MMS22L: variants seen among roughly 807,000 people sequenced by gnomAD.
The protein encoded by MMS22L is MMS22 like, DNA repair protein.
A neutral mutation model predicts 159.1 loss-of-function variants in MMS22L; 74 were observed. The ratio of observed to expected loss-of-function variants is 0.47; its 90% CI spans 0.39 to 0.56. The LOEUF (loss-of-function observed/expected upper bound fraction) is 0.56. Among genes scored for constraint, MMS22L ranks in the 20% least tolerant of loss-of-function variants. MMS22L has a pLI of 0.00. For missense variants in MMS22L, 1,351 were observed against 1,422.1 expected, an observed-to-expected ratio of 0.95 and a Z score of 0.80; for synonymous variants, 517 against 506.9, an observed-to-expected ratio of 1.02 and a Z score of -0.27.
chr6:97,240,799 G>T (rs142097859), intron 11 of MMS22L, among the ~76,000 whole-genome samples: 2,388 of 151,904 alleles, frequency 0.016, 61 homozygotes, highest in African/African-American at 0.055. Flanking sequence ...GCTAACTTTT[G>T]TATTTTTAGT....
chr6:97,160,885 C>A (rs1582403292), intron 22 of MMS22L, among the ~76,000 whole-genome samples: 1 of 151,936 alleles, frequency 6.6e-6, no homozygotes, highest in Non-Finnish European at 1.5e-5. Flanking sequence ...CACTAATGGG[C>A]CCCTCTGGTG....
intron 14 of MMS22L, among the ~76,000 whole-genome samples, chr6:97,220,540 A>G (rs1809519278): frequency 6.6e-6 from 1 of 152,100 alleles, no homozygotes; most frequent in African/African-American, 2.4e-5. Context: ...TAATCTGAGG[A>G]AGGAAGGCAT....
intron 15 of MMS22L, among the ~76,000 whole-genome samples, chr6:97,182,718 C>A (rs1016709988): frequency 2.6e-5 from 4 of 152,258 alleles, no homozygotes; most frequent in Middle Eastern, 3.4e-3. Flanking sequence ...TTTTCCCACT[C>A]CCCGTATACC....
At chr6:97,240,487 C>A (rs1179438460) in intron 11 of MMS22L, among the ~76,000 whole-genome samples, 1 of 152,140 alleles carries the variant, frequency 6.6e-6, no homozygotes, top group Admixed American at 6.5e-5. Flanking sequence ...TGGCTGGTCA[C>A]CTGACCTACT....
chr6:97,268,363 T>C (rs1179585899), intron 7 of MMS22L, among the ~76,000 whole-genome samples: 2 of 152,082 alleles, frequency 1.3e-5, no homozygotes, highest in Non-Finnish European at 2.9e-5. Context: ...TCTGTTTTTG[T>C]ATTTTTAGTA....
intron 19 of MMS22L, 44 bp from the exon 20 acceptor site, chr6:97,168,284 A>T: frequency 1.3e-6 from 2 of 1,565,384 alleles, no homozygotes; most frequent in Non-Finnish European, 1.7e-6. Flanking sequence ...TTATCCTCTG[A>T]CCAGAACATT....
At chr6:97,221,069 A>G (rs1228947687) in intron 14 of MMS22L, among the ~76,000 whole-genome samples, 2 of 152,070 alleles carry the variant, frequency 1.3e-5, no homozygotes, top group Non-Finnish European at 2.9e-5. Flanking sequence ...TGAAAACAAT[A>G]CTTATGATGA....
intron 22 of MMS22L, among the ~76,000 whole-genome samples, chr6:97,157,758 A>T (rs897571274): frequency 5.3e-5 from 8 of 152,154 alleles, no homozygotes; most frequent in Non-Finnish European, 1.2e-4. Flanking sequence ...GATGTTCATC[A>T]GGGATATTGA....
At position 97,198,469 on chromosome 6, in the gene MMS22L, A is replaced by G. The variant is rs564143055; in HGVS notation, c.2040-11779T>C. Among the ~76,000 whole-genome samples the G allele has an allele frequency of 4.8e-4, 73 of 152,234 alleles. 1 individual carries two copies. Among genetic ancestry groups the G allele is most frequent in the African/African-American group, 1.7e-3 (71 of 41,544 alleles). Reference sequence around the variant, plus strand: ...ACCTACAGAATCTGTAAGCATAATAAAAGGATTGCTGTTGTGGTGTTTTAC... The same window carrying G: ...ACCTACAGAATCTGTAAGCATAATAGAAGGATTGCTGTTGTGGTGTTTTAC... On this transcript the variant is annotated intron_variant, in intron 14 of 24. Coordinates refer to ENST00000683635, the MANE Select transcript of MMS22L (RefSeq NM_001350599.2).
At chr6:97,228,784 T>C in intron 14 of MMS22L, 110 bp downstream of exon 14, 1 of 1,043,984 alleles carries the variant, frequency 9.6e-7, no homozygotes, top group African/African-American at 1.6e-5. Context: ...TCCTCTACAT[T>C]TGGATTTCAT....
intron 1 of MMS22L, chr6:97,282,854 A>T (rs1816893687): frequency 6.0e-6 from 1 of 165,774 alleles, no homozygotes; most frequent in African/African-American, 2.4e-5. Context: ...CGCCCTCCGC[A>T]ACGTTTCTAA....
intron 11 of MMS22L, among the ~76,000 whole-genome samples, chr6:97,234,373 T>C (rs771996457): frequency 7.2e-5 from 11 of 152,150 alleles, no homozygotes; most frequent in Non-Finnish European, 1.3e-4. Flanking sequence ...AAGTACTTGG[T>C]CAAATCTTTT....
rs1431344768 is a variant in MMS22L, at chr6:97,162,090, G to C, written c.3297C>G (p.Leu1099=). 3.1e-6 allele frequency: 5 copies of C among 1,612,234 alleles called. No individual in the cohort carries two copies. In the South Asian group the frequency reaches 3.3e-5, roughly 11 times the overall value. Residue 1099 remains leucine, a synonymous_variant, in exon 22 of 25, where the codon CTC becomes CTG. Transcript: ENST00000683635. ...AAATGTCTGTGTTAGTTTCCTTGAA[G>C]AGTTGGAGGATGAAGGCCAGAATGG... ...LASILAFILQ[L]FKETNTDIYE... is the part of the protein sequence containing the mutation.
Position 97,228,906 on chromosome 6 carries a change from A to C in MMS22L, c.2027T>G (p.Leu676Arg), listed in dbSNP as rs1810541317. ...RTVLSFLQAV[L>R]ARIRSMHQQL... ...CTGAAAACCATACCTGATTCTGGCC[A>C]GAACAGCTTGTAGGAAGCTCAATAC... The change falls in exon 14 of 25, where the codon CTG (leucine) becomes CGG (arginine). Residue 676 changes from leucine to arginine, a missense_variant. By Grantham distance (102) the Leu-to-Arg change is moderately radical. Transcript: ENST00000683635. 1 of 1,612,206 alleles carries C rather than the reference A, an allele frequency of 6.2e-7. No homozygotes were observed.
chr6:97,168,759 C>T (rs944475365), intron 19 of MMS22L, among the ~76,000 whole-genome samples: 4 of 152,112 alleles, frequency 2.6e-5, no homozygotes, highest in Non-Finnish European at 2.9e-5. Context: ...TATATTTATA[C>T]ATTATGTGAC....
At chr6:97,207,320 C>CA (rs1440732656) in intron 14 of MMS22L, among the ~76,000 whole-genome samples, 1 of 152,120 alleles carries the variant, frequency 6.6e-6, no homozygotes, top group Non-Finnish European at 1.5e-5. Context: ...CTCCTCTGGT[C>CA]AATTGTGTTT....
Position 97,173,107 on chromosome 6 carries a change from T to G in MMS22L, c.2795A>C (p.Lys932Thr). Residue 932 changes from lysine to threonine, a missense_variant, in exon 19 of 25, where the codon AAA becomes ACA. Transcript: ENST00000683635. Reference protein sequence around the residue: ...VLKYIKPYLGKKVFSAGLQLT... With the variant: ...VLKYIKPYLGTKVFSAGLQLT... ...CTGCAGCCCTGCACTGAAAACTTTT[T>G]TTCCCAAATAAGGCTTAATATATTT... is the stretch of plus-strand genomic sequence containing the variant. The G allele has an allele frequency of 6.2e-7, 1 of 1,613,422 alleles. No homozygotes were observed.
At chr6:97,160,550 T>C (rs1802335386) in intron 22 of MMS22L, among the ~76,000 whole-genome samples, 1 of 151,818 alleles carries the variant, frequency 6.6e-6, no homozygotes, top group South Asian at 2.1e-4. Context: ...TGCCTTTAGC[T>C]TTTGGCATCT....
intron 14 of MMS22L, among the ~76,000 whole-genome samples, chr6:97,204,370 C>G (rs1807522942): frequency 6.6e-6 from 1 of 152,112 alleles, no homozygotes; most frequent in Admixed American, 6.5e-5. Context: ...ATAACATTAA[C>G]TGGATGTATA....
Sources: allele counts gnomAD v4.1 joint callset (sites outside exome capture counted in the v4.1 genomes callset), GRCh38; gene constraint gnomAD v4.1.1; transcripts MANE v1.5; gene names NCBI Gene and HGNC (gene_info 2026-07-23, HGNC 2026-07-21).